The following PRPF40B variants were observed in gnomAD, a reference collection of about 807,000 sequenced individuals.
PRPF40B encodes the protein pre-mRNA-processing factor 40 homolog B.
A neutral mutation model predicts 124.5 loss-of-function variants in PRPF40B; 56 were observed. That is an observed-to-expected ratio of 0.45 (90% CI 0.36 to 0.56). The LOEUF is 0.56. PRPF40B is among the 20% of genes least tolerant of loss of function. PRPF40B has a pLI of 0.00. For synonymous variants in PRPF40B, 443 were observed against 426.4 expected, an observed-to-expected ratio of 1.04 and a Z score of -0.48; for missense variants, 1,053 against 1,169.5, an observed-to-expected ratio of 0.90 and a Z score of 1.45.
intron 5 of PRPF40B, 78 bp from the exon 6 acceptor site, chr12:49,632,777 G>A (rs1476814950): frequency 6.2e-7 from 1 of 1,606,494 alleles, no homozygotes; most frequent in Non-Finnish European, 8.5e-7. Flanking sequence ...TACTGGGGCT[G>A]GAATACGGGA....
chr12:49,634,833 T>G (rs2138500040), intron 12 of PRPF40B: 1 of 638,270 alleles, frequency 1.6e-6, no homozygotes, highest in Non-Finnish European at 2.7e-6. Flanking sequence ...CAAACGGAAT[T>G]GAATTAATTG....
At chr12:49,632,489 C>A in intron 4 of PRPF40B, 107 bp from the exon 5 acceptor site, 1 of 1,193,312 alleles carries the variant, frequency 8.4e-7, no homozygotes, top group Non-Finnish European at 1.2e-6. Context: ...TCTCTAGGAG[C>A]AGGACACATG....
Position 49,629,521 on chromosome 12 carries a change from T to C in PRPF40B, c.4-1024T>C, listed in dbSNP as rs186725236. 1.5e-4 allele frequency among the ~76,000 whole-genome samples: 23 copies of C among 152,338 alleles called. No individual in the cohort carries two copies. In the East Asian group the frequency reaches 3.5e-3, roughly 23 times the overall value. On this transcript the variant is annotated intron_variant, in intron 1 of 25. Coordinates refer to ENST00000548825, the MANE Select transcript of PRPF40B (RefSeq NM_001031698.3). ...TCTATATAGAGATTTGTTCTGTTTG[T>C]TCTTCGTTCGTTCAATATTTGCTGA... is the stretch of plus-strand genomic sequence containing the variant.
At chr12:49,633,176 A>T (rs1378614702) in intron 7 of PRPF40B, 52 bp downstream of exon 7, 3 of 1,475,192 alleles carry the variant, frequency 2.0e-6, no homozygotes, top group Non-Finnish European at 2.8e-6. Context: ...GACCCTTCCA[A>T]GTCCTTGGCC....
chr12:49,643,827 A>G, intron 24 of PRPF40B, 34 bp from the exon 25 acceptor site: 2 of 1,614,042 alleles, frequency 1.2e-6, no homozygotes, highest in East Asian at 2.2e-5. Flanking sequence ...GGCTATCCAC[A>G]GGAACTGAGG....
In PRPF40B at chr12:49,634,342, C is replaced by T; in HGVS notation, c.823C>T (p.His275Tyr). The T allele has an allele frequency of 1.9e-6, 3 of 1,614,228 alleles. No individual in the cohort carries two copies. The highest frequency in any genetic ancestry group is 1.7e-6 in the Non-Finnish European group (2 of 1,180,032). Reference sequence around the variant, plus strand: ...CCCTGTGCCCTCCAGTTCTGGACAGCATCAGCCACAGCAGGAGGAGGAGGA... The same window carrying T: ...CCCTGTGCCCTCCAGTTCTGGACAGTATCAGCCACAGCAGGAGGAGGAGGA... The part of the protein sequence containing the change: ...LEEGPSSSGQ[H>Y]QPQQEEEESK... The change falls in exon 11 of 26, where the codon CAT becomes TAT. Residue 275 changes from histidine to tyrosine, a missense_variant. His to Tyr is a moderately conservative substitution (Grantham distance 83). This residue lies in a region of PRPF40B where 895 missense variants were observed against 1,052.2 expected (regional missense o/e 0.85). Transcript: ENST00000548825.
At chr12:49,630,690 A>T in intron 2 of PRPF40B, 65 bp downstream of exon 2, 1 of 706,062 alleles carries the variant, frequency 1.4e-6, no homozygotes, top group Non-Finnish European at 2.6e-6. Flanking sequence ...CCCAGCCCCT[A>T]GCCACTGCTG....
At position 49,633,971 on chromosome 12, in the gene PRPF40B, AC is replaced by A; in HGVS notation, c.695del (p.Pro232GlnfsTer78). The part of the protein sequence containing the change: ...PDPPPVPPGP[T>X]PVPTGLLEPE... ...CCCCCCACCTGTGCCTCCTGGCCCC[AC>A]CCCAGTGCCCACAGGCCTCCTGGAA... On this transcript the variant is annotated frameshift_variant, in exon 10 of 26. Transcript: ENST00000548825. LOFTEE classifies it high-confidence loss of function. The A allele has an allele frequency of 6.2e-7, 1 of 1,613,976 alleles. No homozygotes were observed. The highest frequency in any genetic ancestry group is 8.5e-7 in the Non-Finnish European group (1 of 1,179,978).
At chr12:49,634,897 A>G (rs1358531738) in intron 12 of PRPF40B, 12 of 652,530 alleles carry the variant, frequency 1.8e-5, no homozygotes, top group African/African-American at 5.5e-5. Context: ...AAAAGGGCCC[A>G]GTATTTGCAG....
In PRPF40B at chr12:49,643,205, A is replaced by G; in HGVS notation, c.2206-18A>G. 6.2e-7 allele frequency: 1 copy of G among 1,613,624 alleles called. No homozygotes were observed. Among genetic ancestry groups the G allele is most frequent in the Middle Eastern group, 1.7e-4 (1 of 5,976 alleles). On this transcript the variant is annotated intron_variant, in intron 22 of 25. Coordinates refer to ENST00000548825, the MANE Select transcript of PRPF40B (RefSeq NM_001031698.3). The stretch of plus-strand genomic sequence containing the variant: ...GCAGAGAACCTCTGCACTGACATGT[A>G]TCTGCTGATCTGCCCAGGGCTCTGA...
chr12:49,625,203 CTGAA>C (rs980151424), intron 1 of PRPF40B, among the ~76,000 whole-genome samples: 23 of 152,282 alleles, frequency 1.5e-4, no homozygotes, highest in African/African-American at 5.5e-4. Flanking sequence ...GGAAATGTAT[CTGAA>C]TGTAAGCAGT....
Position 49,635,093 on chromosome 12 carries a change from T to C in PRPF40B, c.1002-6T>C. 6.2e-7 allele frequency: 1 copy of C among 1,610,514 alleles called. No individual in the cohort carries two copies. Among genetic ancestry groups the C allele is most frequent in the Non-Finnish European group, 8.5e-7 (1 of 1,178,738 alleles). On this transcript the variant is annotated splice_polypyrimidine_tract_variant and splice_region_variant and intron_variant, in intron 12 of 25. Transcript: ENST00000548825. This position sits in a 1 kb window ranked among gnomAD's most constrained non-coding sequence, Gnocchi z 4.1. ...ATCCCCACCCCACTCCTACCCTCTA[T>C]CCCAGTGCCTTGCCTAAACTGAGTG...
In PRPF40B at chr12:49,632,995, T is replaced by TGGGGGGC; in HGVS notation, c.349-18_349-17insGGGGGCG. Reference sequence around the variant, plus strand: ...AAAAGGGGCCTTGACCACCATTCTGTGCCCCCCCCCCCACCCAGAGGGCCC... The same window carrying TGGGGGGC: ...AAAAGGGGCCTTGACCACCATTCTGTGGGGGGCGCCCCCCCCCCCACCCAGAGGGCCC... On this transcript the variant is annotated intron_variant, in intron 6 of 25. Coordinates refer to ENST00000548825, the MANE Select transcript of PRPF40B (RefSeq NM_001031698.3). The TGGGGGGC allele has an allele frequency of 2.2e-6, 3 of 1,365,446 alleles. No homozygotes were observed. Among genetic ancestry groups the TGGGGGGC allele is most frequent in the South Asian group, 1.2e-5 (1 of 84,362 alleles). 84.6% of individuals were successfully genotyped at this position (1,365,446 alleles called of 1,614,324 possible).
intron 12 of PRPF40B, 168 bp downstream of exon 12, chr12:49,634,770 G>A: frequency 1.4e-6 from 1 of 728,478 alleles, no homozygotes; most frequent in Non-Finnish European, 2.2e-6. Context: ...CCAGGAGAAG[G>A]AAAGGAAAGG....
chr12:49,624,922 C>G lies in PRPF40B; in HGVS notation c.3+1329C>G, dbSNP rs556162882. On this transcript the variant is annotated intron_variant, in intron 1 of 25. Coordinates refer to ENST00000548825, the MANE Select transcript of PRPF40B (RefSeq NM_001031698.3). ...TTGGGGAGCAAGAGGAAGAGTAGGG[C>G]TGGTCCAGGAAAGTTGGAAACTAGG... Among the ~76,000 whole-genome samples the G allele has an allele frequency of 2.0e-5, 3 of 150,898 alleles. No homozygotes were observed. In the South Asian group the frequency reaches 6.3e-4, roughly 32 times the overall value.
At position 49,634,403 on chromosome 12, in the gene PRPF40B, G is replaced by C. The variant is rs1941537326; in HGVS notation, c.884G>C (p.Trp295Ser). 6.2e-7 allele frequency: 1 copy of C among 1,614,090 alleles called. No homozygotes were observed. Among genetic ancestry groups the C allele is most frequent in the African/African-American group, 1.3e-5 (1 of 74,932 alleles). ...KPEPERSGLS[W>S]SNREKAKQAF... ...GAACCAGAGAGGTCTGGCCTCAGTT[G>C]GAGCAACCGGGAGAAGGCAAAGCAG... Residue 295 changes from tryptophan to serine, a missense_variant, in exon 11 of 26, where the codon TGG (tryptophan) becomes TCG (serine). Coordinates refer to ENST00000548825, the MANE Select transcript of PRPF40B (RefSeq NM_001031698.3).
chr12:49,637,551 G>C lies in PRPF40B; in HGVS notation c.1642G>C (p.Asp548His). Residue 548 changes from aspartate (D) to histidine (H), a missense_variant, in exon 17 of 26, where the codon GAT becomes CAT. Around this residue, in one of 2 missense-constraint regions of PRPF40B, gnomAD observed 895 missense variants for 1,052.2 expected, o/e 0.85. Coordinates refer to ENST00000548825, the MANE Select transcript of PRPF40B (RefSeq NM_001031698.3). ...WMELYPAVSTDVRFANMLGQP... is the reference protein window; with the variant it reads ...WMELYPAVSTHVRFANMLGQP... ...GGAGCTATATCCAGCAGTCAGCACT[G>C]ATGTCCGCTTTGCCAACATGCTGGG... is the stretch of plus-strand genomic sequence containing the variant. 1 of 1,613,878 alleles carries C rather than the reference G, an allele frequency of 6.2e-7. No individual in the cohort carries two copies. Among genetic ancestry groups the C allele is most frequent in the Non-Finnish European group, 8.5e-7 (1 of 1,180,036 alleles).
chr12:49,637,562 T>C lies in PRPF40B; in HGVS notation c.1653T>C (p.Phe551=), dbSNP rs1236037243. The C allele has an allele frequency of 6.2e-7, 1 of 1,613,700 alleles. No individual in the cohort carries two copies. The highest frequency in any genetic ancestry group is 8.5e-7 in the Non-Finnish European group (1 of 1,180,026). The change falls in exon 17 of 26, where the codon TTT becomes TTC. Residue 551 remains phenylalanine (F), a synonymous_variant. Transcript: ENST00000548825. ...LYPAVSTDVR[F]ANMLGQPGST... is the part of the protein sequence containing the mutation. ...CAGCAGTCAGCACTGATGTCCGCTT[T>C]GCCAACATGCTGGGCCAGCCGGGTA...
In PRPF40B at chr12:49,631,622, G is replaced by A; in HGVS notation, c.228+78G>A. 1 of 1,491,330 alleles carries A rather than the reference G, an allele frequency of 6.7e-7. No homozygotes were observed. Among genetic ancestry groups the A allele is most frequent in the South Asian group, 1.3e-5 (1 of 76,278 alleles). The allele number at this position is 1,491,330 out of a possible 1,614,324, so 92.4% of individuals were successfully genotyped here. The stretch of plus-strand genomic sequence containing the variant: ...GGGTGGAGATAAGAGCGGGCATGTA[G>A]GCCTCAGAAACTGGGGAAGGAAGGG... On this transcript the variant is annotated intron_variant, in intron 3 of 25. Transcript: ENST00000548825. The surrounding 1 kb of genome is among the most constrained non-coding windows in gnomAD (Gnocchi z 4.3).
Sources: allele counts gnomAD v4.1 joint callset (sites outside exome capture counted in the v4.1 genomes callset), GRCh38; gene constraint gnomAD v4.1.1; regional missense constraint gnomAD v4.1.1; non-coding constraint Gnocchi (gnomAD v3.1); transcripts MANE v1.5; gene names NCBI Gene and HGNC (gene_info 2026-07-23, HGNC 2026-07-21).